NFIC: variants seen among roughly 807,000 people sequenced by gnomAD.
NFIC encodes nuclear factor 1 C-type.
NFIC carries 12 observed loss-of-function variants against 54.4 expected under a neutral mutation model. The observed-to-expected ratio is 0.22, with a 90% CI of 0.14 to 0.36. The LOEUF (loss-of-function observed/expected upper bound fraction) is 0.36, where lower values mean the gene tolerates loss of function less well. Among genes scored for constraint, NFIC ranks in the 10% least tolerant of loss-of-function variants. The pLI is 1.00. For synonymous variants in NFIC, 322 were observed against 319.2 expected (o/e 1.01, Z -0.09); for missense variants, 575 against 718.2 (o/e 0.80, Z 2.28).
rs775612201 is a variant in NFIC, at chr19:3,452,600, C to A, written c.1203C>A (p.Asn401Lys). 1 of 1,613,866 alleles carries A rather than the reference C, an allele frequency of 6.2e-7. No individual in the cohort carries two copies. Among genetic ancestry groups the A allele is most frequent in the Non-Finnish European group, 8.5e-7 (1 of 1,179,988 alleles). Residue 401 changes from asparagine to lysine, a missense_variant, in exon 8 of 11, where the codon AAC (asparagine) becomes AAA (lysine). Physicochemically the swap from Asn to Lys is moderately conservative, Grantham distance 94. Around this residue, in one of 3 missense-constraint regions of NFIC, gnomAD observed 447 missense variants for 526.9 expected, o/e 0.85. Coordinates refer to ENST00000443272, the MANE Select transcript of NFIC (RefSeq NM_001245002.2). The surrounding 1 kb of genome is among the most constrained non-coding windows in gnomAD (Gnocchi z 5.3). ...HTAIRYPPHL[N>K]PQDPLKDLVS... is the part of the protein sequence containing the mutation. The stretch of plus-strand genomic sequence containing the variant: ...CCATCCGCTACCCACCTCATCTCAA[C>A]CCCCAGGACCCGCTCAAAGATCTTG...
Position 3,462,958 on chromosome 19 carries a change from A to T in NFIC, c.*189A>T. The stretch of plus-strand genomic sequence containing the variant: ...CAGGAGGAAAAGAAAAAACAAAGGC[A>T]GAAGAAGAAGAAGAAGAAATAAAAA... On this transcript the variant is annotated 3_prime_UTR_variant, in exon 11 of 11. Transcript: ENST00000443272. 1.5e-6 allele frequency: 2 copies of T among 1,354,452 alleles called. No individual in the cohort carries two copies. Among genetic ancestry groups the T allele is most frequent in the Non-Finnish European group, 1.9e-6 (2 of 1,053,172 alleles). 83.9% of individuals were successfully genotyped at this position (1,354,452 alleles called of 1,614,324 possible). A position where few individuals can be genotyped will look rare whatever the true frequency, so the allele number is the denominator to read the frequency against.
In NFIC at chr19:3,428,404, A is replaced by G. The variant is rs1568442945; in HGVS notation, c.634+3227A>G. On this transcript the variant is annotated intron_variant, in intron 3 of 10. Transcript: ENST00000443272. ...GAGGCGGAGGTTGCAGTGAGCCGAGATCACGCCACTGCACTCCAGCCTGGG... is the reference window on the plus strand; with the variant it reads ...GAGGCGGAGGTTGCAGTGAGCCGAGGTCACGCCACTGCACTCCAGCCTGGG... Among the ~76,000 whole-genome samples, 5 of 151,606 alleles carry G rather than the reference A, an allele frequency of 3.3e-5. No homozygotes were observed. The South Asian group carries it at 1.0e-3, about 32-fold the overall frequency.
chr19:3,380,136 G>A (rs1472158468), intron 1 of NFIC, among the ~76,000 whole-genome samples: 2 of 151,546 alleles, frequency 1.3e-5, no homozygotes, highest in East Asian at 1.9e-4. Context: ...GAGTAGCTGG[G>A]ACTACAGGCG....
intron 10 of NFIC, 174 bp downstream of exon 10, chr19:3,456,809 C>T (rs2082566152): frequency 3.1e-6 from 2 of 654,864 alleles, no homozygotes; most frequent in Admixed American, 2.6e-5. Context: ...TCCCTGAGGC[C>T]AAATTTCCCT....
intron 9 of NFIC, among the ~76,000 whole-genome samples, chr19:3,455,120 G>T (rs2082531693): frequency 6.6e-6 from 1 of 152,232 alleles, no homozygotes; most frequent in Non-Finnish European, 1.5e-5. Flanking sequence ...ATTCCATGTG[G>T]CGCCTGATGC....
chr19:3,397,251 G>A (rs1388581592), intron 2 of NFIC, among the ~76,000 whole-genome samples: 1 of 152,184 alleles, frequency 6.6e-6, no homozygotes, highest in Non-Finnish European at 1.5e-5. Flanking sequence ...TAGCTAAGGA[G>A]CACAGTCAGG....
At chr19:3,431,103 G>A (rs2082113409) in intron 3 of NFIC, among the ~76,000 whole-genome samples, 1 of 151,754 alleles carries the variant, frequency 6.6e-6, no homozygotes, top group Non-Finnish European at 1.5e-5. Flanking sequence ...TTGAGATGAA[G>A]TCTCACTCTG....
intron 9 of NFIC, 33 bp from the exon 10 acceptor site, chr19:3,456,517 C>T: frequency 1.3e-6 from 2 of 1,548,462 alleles, no homozygotes; most frequent in Non-Finnish European, 1.7e-6. Flanking sequence ...CAACCCCTCG[C>T]TAACGGGCTC....
chr19:3,364,277 T>G (rs2080854384), upstream of NFIC, among the ~76,000 whole-genome samples: 1 of 152,024 alleles, frequency 6.6e-6, no homozygotes, highest in Non-Finnish European at 1.5e-5. Context: ...TTAAAGAAAC[T>G]ATGACGTACA....
chr19:3,392,903 G>A (rs1038304936), intron 2 of NFIC, among the ~76,000 whole-genome samples: 6 of 152,160 alleles, frequency 3.9e-5, no homozygotes, highest in Non-Finnish European at 7.3e-5. Context: ...GCCCAGGAAG[G>A]GCCTTGGCTC....
intron 2 of NFIC, among the ~76,000 whole-genome samples, chr19:3,418,094 C>A (rs898533201): frequency 2.7e-5 from 4 of 145,764 alleles, no homozygotes; most frequent in Non-Finnish European, 6.1e-5. Flanking sequence ...ATTTAATTTT[C>A]TTTTCTTTTT....
intron 2 of NFIC, among the ~76,000 whole-genome samples, chr19:3,421,701 C>T (rs920078975): frequency 3.9e-5 from 6 of 152,196 alleles, no homozygotes; most frequent in Admixed American, 6.5e-5. Flanking sequence ...ATTAGCACGG[C>T]GCCAGGCTAA....
At chr19:3,412,509 A>G (rs144779673) in intron 2 of NFIC, among the ~76,000 whole-genome samples, 92 of 152,188 alleles carry the variant, frequency 6.0e-4, no homozygotes, top group Middle Eastern at 3.4e-3. Context: ...TGCCAAGGCA[A>G]TCCTCTCAAA....
At position 3,421,511 on chromosome 19, in the gene NFIC, G is replaced by A. The variant is rs143602864; in HGVS notation, c.563-3595G>A. 8.5e-5 allele frequency among the ~76,000 whole-genome samples: 13 copies of A among 152,374 alleles called. No homozygotes were observed. In the East Asian group the frequency reaches 2.3e-3, roughly 27 times the overall value. ...GGGCCGAGCTGGGCACACTCCCCTCGGCTGCTGTCCAGCCCAGATGGCCAC... is the reference window on the plus strand; with the variant it reads ...GGGCCGAGCTGGGCACACTCCCCTCAGCTGCTGTCCAGCCCAGATGGCCAC... On this transcript the variant is annotated intron_variant, in intron 2 of 10. Transcript: ENST00000443272.
intron 1 of NFIC, among the ~76,000 whole-genome samples, chr19:3,361,342 T>C (rs892186542): frequency 1.3e-5 from 2 of 152,048 alleles, no homozygotes; most frequent in African/African-American, 4.8e-5. Flanking sequence ...GGGAGGTGGC[T>C]AAGGAGACCC....
In NFIC at chr19:3,462,787, C is replaced by T. The variant is rs780004827; in HGVS notation, c.*18C>T. The T allele has an allele frequency of 9.3e-6, 15 of 1,613,922 alleles. No homozygotes were observed. The highest frequency in any genetic ancestry group is 1.1e-5 in the Non-Finnish European group (13 of 1,179,992). On this transcript the variant is annotated 3_prime_UTR_variant, in exon 11 of 11. Coordinates refer to ENST00000443272, the MANE Select transcript of NFIC (RefSeq NM_001245002.2). Reference sequence around the variant, plus strand: ...TGGGATAGCAAAGGTCTTCTTCCCTCGCCCCTTCTCCATCGTCCCAGGAAT... The same window carrying T: ...TGGGATAGCAAAGGTCTTCTTCCCTTGCCCCTTCTCCATCGTCCCAGGAAT...
At chr19:3,433,304 A>G (rs1261673059) in intron 3 of NFIC, among the ~76,000 whole-genome samples, 1 of 152,196 alleles carries the variant, frequency 6.6e-6, no homozygotes, top group Non-Finnish European at 1.5e-5. Flanking sequence ...GCATGGGGGA[A>G]CCCGGATGAA....
chr19:3,408,862 G>A (rs148265891), intron 2 of NFIC, among the ~76,000 whole-genome samples: 8 of 152,200 alleles, frequency 5.3e-5, no homozygotes, highest in African/African-American at 1.9e-4. Flanking sequence ...GGGATTATAG[G>A]CGTGAGCCAC....
chr19:3,401,721 C>CTTT (rs1333848770), intron 2 of NFIC, among the ~76,000 whole-genome samples: 100 of 35,330 alleles, frequency 2.8e-3, no homozygotes, highest in African/African-American at 4.4e-3. Context: ...GGGTTATTCT[C>CTTT]TTTTTTTTTC....
Sources: gnomAD v4.1 joint callset for allele counts (sites outside exome capture counted in the v4.1 genomes callset) on GRCh38, gnomAD v4.1.1 for gene constraint, gnomAD v4.1.1 regional missense constraint, Gnocchi (gnomAD v3.1) non-coding constraint, MANE v1.5 for transcripts, NCBI Gene and HGNC (gene_info 2026-07-23, HGNC 2026-07-21) for gene names.